Variants in SLC7A5 observed in about 807,000 individuals in gnomAD.
SLC7A5 encodes solute carrier family 7 member 5.
A neutral mutation model predicts 50.2 loss-of-function variants in SLC7A5; 23 were observed. The ratio of observed to expected loss-of-function variants is 0.46; its 90% CI spans 0.33 to 0.65. The LOEUF (loss-of-function observed/expected upper bound fraction) is 0.65, where lower values mean the gene tolerates loss of function less well. Among genes scored for constraint, SLC7A5 ranks in the 30% least tolerant of loss-of-function variants. The pLI is 0.02. For synonymous variants in SLC7A5, 393 were observed against 330.6 expected (o/e 1.19, Z -2.05); for missense variants, 578 against 684.4 (o/e 0.84, Z 1.73).
rs1597488611 is a variant in SLC7A5 at position 87,830,281 on chromosome 16, G to C, written c.*2689C>G. On this transcript the variant is annotated 3_prime_UTR_variant, in exon 10 of 10. Transcript: ENST00000261622. Reference sequence around the variant, plus strand: ...GCAGCAAGGCTGAGCATGACCACTGGAAATAAATAAACATGGTGCCGACAG... The same window carrying C: ...GCAGCAAGGCTGAGCATGACCACTGCAAATAAATAAACATGGTGCCGACAG... 5 of 152,382 alleles carry C rather than the reference G, an allele frequency of 3.3e-5. No individual in the cohort carries two copies. The South Asian group carries it at 8.3e-4, about 25-fold the overall frequency. The allele number at this position is 152,382 out of a possible 1,614,324, so 9.4% of individuals were successfully genotyped here.
At chr16:87,843,109 G>A (rs535591921) in intron 2 of SLC7A5, among the ~76,000 whole-genome samples, 3 of 152,078 alleles carry the variant, frequency 2.0e-5, no homozygotes, top group Non-Finnish European at 4.4e-5. Flanking sequence ...CCAGAAACAC[G>A]TGCCCCATTC....
intron 1 of SLC7A5, among the ~76,000 whole-genome samples, chr16:87,863,310 C>T (rs533218250): frequency 3.7e-4 from 57 of 152,218 alleles, no homozygotes; most frequent in African/African-American, 1.3e-3. Flanking sequence ...GGATCAGTGC[C>T]GGGCCACAGT....
chr16:87,866,013 C>G (rs1486447934), intron 1 of SLC7A5, among the ~76,000 whole-genome samples: 1 of 150,952 alleles, frequency 6.6e-6, no homozygotes, highest in African/African-American at 2.4e-5. Context: ...AAAACAAAAT[C>G]AAAAACAAAA....
In SLC7A5 at chr16:87,862,535, T is replaced by C. The variant is rs1051239857; in HGVS notation, c.538+6350A>G. 2.0e-5 allele frequency among the ~76,000 whole-genome samples: 3 copies of C among 152,246 alleles called. No homozygotes were observed. The highest frequency in any genetic ancestry group is 4.4e-5 in the Non-Finnish European group (3 of 68,042). On this transcript the variant is annotated intron_variant, in intron 1 of 9. Transcript: ENST00000261622. This position sits in a 1 kb window ranked among gnomAD's most constrained non-coding sequence, Gnocchi z 5.3. ...CAGAGCTCCAGACTAAAGGAAACCC[T>C]GGCTCCTGTCTCTGGCTCTTCCCTC...
chr16:87,868,143 AG>A (rs2055487130), intron 1 of SLC7A5, among the ~76,000 whole-genome samples: 1 of 151,816 alleles, frequency 6.6e-6, no homozygotes, highest in Non-Finnish European at 1.5e-5. Context: ...AGAAAGAAAA[AG>A]AAAAAGAAAA....
At chr16:87,843,581 G>A (rs1168887873) in intron 2 of SLC7A5, among the ~76,000 whole-genome samples, 2 of 151,968 alleles carry the variant, frequency 1.3e-5, no homozygotes, top group African/African-American at 2.4e-5. Context: ...ACACACAGGG[G>A]AGAGACACAC....
intron 1 of SLC7A5, among the ~76,000 whole-genome samples, chr16:87,863,845 A>C (rs1308250070): frequency 1.3e-5 from 2 of 151,768 alleles, no homozygotes; most frequent in Non-Finnish European, 2.9e-5. Flanking sequence ...GCAGCCTCAG[A>C]GGCCCGAGGG....
At chr16:87,866,588 C>A (rs1347575520) in intron 1 of SLC7A5, among the ~76,000 whole-genome samples, 2 of 152,064 alleles carry the variant, frequency 1.3e-5, no homozygotes, top group South Asian at 4.1e-4. Context: ...GCCTCAGCCT[C>A]CCGAGTAGCT....
intron 1 of SLC7A5, among the ~76,000 whole-genome samples, chr16:87,856,849 G>C (rs4843721): frequency 6.6e-5 from 10 of 152,160 alleles, no homozygotes; most frequent in Admixed American, 3.3e-4. Context: ...AAGCAGTGGT[G>C]GGGGAGGCGG....
rs2055401653 is a variant in SLC7A5 at position 87,861,768 on chromosome 16, A to G, written c.538+7117T>C. On this transcript the variant is annotated intron_variant, in intron 1 of 9. Transcript: ENST00000261622. This position sits in a 1 kb window ranked among gnomAD's most constrained non-coding sequence, Gnocchi z 4.2. ...GATTATGAAAGAGGTCTGTGACCCA[A>G]GAAAAAAGGGTCACAAGTGCCCGTT... is the stretch of plus-strand genomic sequence containing the variant. Among the ~76,000 whole-genome samples the G allele has an allele frequency of 6.6e-6, 1 of 152,214 alleles. No homozygotes were observed. Among genetic ancestry groups the G allele is most frequent in the Admixed American group, 6.5e-5 (1 of 15,288 alleles).
intron 4 of SLC7A5, 103 bp from the exon 5 acceptor site, chr16:87,839,928 C>T: frequency 6.7e-7 from 1 of 1,498,670 alleles, no homozygotes. Context: ...TAGCTCCAGC[C>T]TCTGTGCTGG....
At chr16:87,836,434 CTT>C in intron 8 of SLC7A5, 62 bp downstream of exon 8, 1 of 1,585,332 alleles carries the variant, frequency 6.3e-7, no homozygotes, top group African/African-American at 1.3e-5. Context: ...ACTCAGGGTC[CTT>C]AGGACCCACG....
chr16:87,851,146 C>A (rs1183737923), intron 2 of SLC7A5, among the ~76,000 whole-genome samples: 1 of 151,668 alleles, frequency 6.6e-6, no homozygotes, highest in African/African-American at 2.4e-5. Flanking sequence ...CGAATGCTAA[C>A]AGTGGACACG....
At chr16:87,867,461 G>A (rs1380164385) in intron 1 of SLC7A5, among the ~76,000 whole-genome samples, 5 of 152,160 alleles carry the variant, frequency 3.3e-5, no homozygotes, top group African/African-American at 1.2e-4. Flanking sequence ...GCATGGTGGT[G>A]CGGCTGCTCG....
intron 8 of SLC7A5, among the ~76,000 whole-genome samples, chr16:87,834,956 C>T (rs2054979869): frequency 6.6e-6 from 1 of 152,238 alleles, no homozygotes; most frequent in Non-Finnish European, 1.5e-5. Flanking sequence ...ACAGTGGCCA[C>T]CCACTAATAA....
chr16:87,868,182 CTGG>C (rs2055487545), intron 1 of SLC7A5, among the ~76,000 whole-genome samples: 1 of 152,054 alleles, frequency 6.6e-6, no homozygotes, highest in Admixed American at 6.6e-5. Flanking sequence ...TATCTCTGGC[CTGG>C]TGAAGAACAC....
At chr16:87,835,757 A>T (rs2054994347) in intron 8 of SLC7A5, among the ~76,000 whole-genome samples, 2 of 152,122 alleles carry the variant, frequency 1.3e-5, no homozygotes, top group South Asian at 2.1e-4. Context: ...TACAGGCGTG[A>T]GCCACCGCGC....
At chr16:87,842,436 G>A (rs2055093294) in intron 2 of SLC7A5, among the ~76,000 whole-genome samples, 1 of 152,220 alleles carries the variant, frequency 6.6e-6, no homozygotes, top group African/African-American at 2.4e-5. Context: ...ACCCGTGAAG[G>A]GAGGTTCCCA....
intron 1 of SLC7A5, among the ~76,000 whole-genome samples, chr16:87,867,289 G>A (rs1567504293): frequency 1.3e-5 from 2 of 152,162 alleles, no homozygotes; most frequent in Non-Finnish European, 2.9e-5. Context: ...GTTACATACC[G>A]GGCCGACATG....
Sources: allele counts gnomAD v4.1 joint callset (sites outside exome capture counted in the v4.1 genomes callset), GRCh38; gene constraint gnomAD v4.1.1; non-coding constraint Gnocchi (gnomAD v3.1); transcripts MANE v1.5; gene names NCBI Gene and HGNC (gene_info 2026-07-23, HGNC 2026-07-21).